Variants in NCKAP5 observed in about 807,000 individuals in gnomAD.
NCKAP5 encodes the protein nck-associated protein 5.
NCKAP5 carries 92 observed loss-of-function variants against 167.0 expected under a neutral mutation model. The ratio of observed to expected loss-of-function variants is 0.55; its 90% CI spans 0.47 to 0.66. The LOEUF (loss-of-function observed/expected upper bound fraction) is 0.66. NCKAP5 is among the 30% of genes least tolerant of loss of function. NCKAP5 has a pLI of 0.00. For synonymous variants in NCKAP5, 891 were observed against 877.4 expected (o/e 1.02, Z -0.27); for missense variants, 2,378 against 2,315.0 (o/e 1.03, Z -0.56).
intron 6 of NCKAP5, among the ~76,000 whole-genome samples, chr2:133,120,134 C>T (rs916002890): frequency 2.6e-5 from 4 of 152,160 alleles, no homozygotes; most frequent in Admixed American, 2.6e-4. Context: ...CTGCAAATGA[C>T]AGGTGAAAAC....
chr2:132,973,930 CT>C, intron 7 of NCKAP5, among the ~76,000 whole-genome samples: 1 of 152,268 alleles, frequency 6.6e-6, no homozygotes. Flanking sequence ...TCCCAAGTAG[CT>C]CTTGGTTGCA....
Position 132,783,826 on chromosome 2 carries a change from T to G in NCKAP5, c.2985A>C (p.Lys995Asn). ...NPATTEVQRKKPSVAFKKPIF... is the reference protein window; with the variant it reads ...NPATTEVQRKNPSVAFKKPIF... ...TAGGCTTTTTGAAGGCCACAGAAGG[T>G]TTCTTCCTCTGCACTTCTGTCGTGG... Residue 995 changes from lysine (K) to asparagine (N), a missense_variant, in exon 14 of 20, where the codon AAA becomes AAC. Physicochemically the swap from Lys to Asn is moderately conservative, Grantham distance 94. This residue lies in a region of NCKAP5 where 1,325 missense variants were observed against 1,274.5 expected (regional missense o/e 1.04). Transcript: ENST00000409261. 1 of 1,532,470 alleles carries G rather than the reference T, an allele frequency of 6.5e-7. No homozygotes were observed. Among genetic ancestry groups the G allele is most frequent in the Non-Finnish European group, 8.8e-7 (1 of 1,141,670 alleles). The allele number at this position is 1,532,470 out of a possible 1,614,324, so 94.9% of individuals were successfully genotyped here.
At chr2:133,124,315 C>T (rs2082336768) in intron 6 of NCKAP5, among the ~76,000 whole-genome samples, 1 of 152,172 alleles carries the variant, frequency 6.6e-6, no homozygotes, top group African/African-American at 2.4e-5. Context: ...ACACAAGGAA[C>T]ATTTCAAGGC....
At chr2:133,166,032 C>T (rs781063902) in intron 5 of NCKAP5, among the ~76,000 whole-genome samples, 9 of 151,924 alleles carry the variant, frequency 5.9e-5, no homozygotes, top group African/African-American at 2.2e-4. Flanking sequence ...TTTCAGGGAC[C>T]GCCAGAAAAA....
chr2:132,968,201 C>T (rs1226927001), intron 7 of NCKAP5, among the ~76,000 whole-genome samples: 1 of 152,170 alleles, frequency 6.6e-6, no homozygotes, highest in Non-Finnish European at 1.5e-5. Flanking sequence ...GAACTGAAGT[C>T]TAGACGTAGG....
chr2:132,769,681 A>G (rs72989558), intron 16 of NCKAP5, among the ~76,000 whole-genome samples: 1,569 of 152,306 alleles, frequency 0.01, 30 homozygotes, highest in African/African-American at 0.035. Flanking sequence ...TTTCCCAGCT[A>G]CTTCATGCAA....
At chr2:132,763,280 C>T (rs1681168795) in intron 16 of NCKAP5, among the ~76,000 whole-genome samples, 1 of 152,174 alleles carries the variant, frequency 6.6e-6, no homozygotes, top group Non-Finnish European at 1.5e-5. Flanking sequence ...CATCTGGTCC[C>T]ATCCTACAAA....
intron 3 of NCKAP5, among the ~76,000 whole-genome samples, chr2:133,385,318 TC>T (rs1465372050): frequency 2.6e-5 from 4 of 152,238 alleles, no homozygotes; most frequent in African/African-American, 9.6e-5. Context: ...GTGGTTTTTG[TC>T]TTTGGTTCTG....
At chr2:133,293,961 G>A (rs775900622) in intron 4 of NCKAP5, among the ~76,000 whole-genome samples, 25 of 152,178 alleles carry the variant, frequency 1.6e-4, no homozygotes, top group Admixed American at 5.2e-4. Context: ...TGTGAGGCAC[G>A]CTAGCCCTGG....
At chr2:133,256,942 A>T (rs367752991) in intron 4 of NCKAP5, among the ~76,000 whole-genome samples, 1 of 152,150 alleles carries the variant, frequency 6.6e-6, no homozygotes, top group Non-Finnish European at 1.5e-5. Context: ...GACACATCAT[A>T]ATTTTCCCTA....
intron 3 of NCKAP5, among the ~76,000 whole-genome samples, chr2:133,356,379 G>A (rs898926428): frequency 1.3e-5 from 2 of 152,180 alleles, no homozygotes; most frequent in African/African-American, 4.8e-5. Flanking sequence ...ATAGTAATAT[G>A]AGATAAACAT....
At chr2:133,077,830 G>A (rs770615305) in intron 6 of NCKAP5, among the ~76,000 whole-genome samples, 1 of 152,144 alleles carries the variant, frequency 6.6e-6, no homozygotes, top group African/African-American at 2.4e-5. Flanking sequence ...GAAGCCTAGA[G>A]TACAGTGACT....
At chr2:132,839,391 G>T (rs1016545742) in intron 11 of NCKAP5, among the ~76,000 whole-genome samples, 1 of 152,008 alleles carries the variant, frequency 6.6e-6, no homozygotes, top group African/African-American at 2.4e-5. Flanking sequence ...ATTTTTTCCA[G>T]GTAGATAGCT....
chr2:133,058,068 T>C (rs934513168), intron 6 of NCKAP5, among the ~76,000 whole-genome samples: 1 of 152,190 alleles, frequency 6.6e-6, no homozygotes, highest in Non-Finnish European at 1.5e-5. Context: ...ATGGCACATC[T>C]GTTTCCATCA....
chr2:132,794,307 G>GA lies in NCKAP5; in HGVS notation c.909+2320_909+2321insT, dbSNP rs1553443904. On this transcript the variant is annotated intron_variant, in intron 12 of 19. Transcript: ENST00000409261. ...AGAGAGAGAGAGAGAGAGAGAGAGA[G>GA]GGTGGCGGGAAGAGAGAGAGAAAGA... Among the ~76,000 whole-genome samples the GA allele has an allele frequency of 1.6e-3, 159 of 101,178 alleles. 2 individuals carry two copies. Among genetic ancestry groups the GA allele is most frequent in the South Asian group, 5.8e-3 (17 of 2,944 alleles). The allele number at this position is 101,178 out of a possible 152,430, so 66.4% of individuals were successfully genotyped here.
chr2:133,037,202 A>T (rs1297347855), intron 6 of NCKAP5, among the ~76,000 whole-genome samples: 1 of 152,160 alleles, frequency 6.6e-6, no homozygotes, highest in Admixed American at 6.5e-5. Flanking sequence ...AAGAATCAAT[A>T]TCATTAAAAT....
chr2:132,909,903 A>G (rs1477473699), intron 8 of NCKAP5, among the ~76,000 whole-genome samples: 3 of 152,150 alleles, frequency 2.0e-5, no homozygotes, highest in Admixed American at 1.3e-4. Context: ...ATGTGATAGG[A>G]CTTGCTAAAT....
chr2:132,990,862 G>A (rs2077429416), intron 7 of NCKAP5, among the ~76,000 whole-genome samples: 1 of 152,184 alleles, frequency 6.6e-6, no homozygotes, highest in Non-Finnish European at 1.5e-5. Context: ...CACCAAGTTT[G>A]TTACAGCAGC....
chr2:133,298,033 A>G (rs2150547033), intron 4 of NCKAP5, among the ~76,000 whole-genome samples: 1 of 152,330 alleles, frequency 6.6e-6, no homozygotes, highest in African/African-American at 2.4e-5. Flanking sequence ...AGCACTTAAA[A>G]ATTTAATCAT....
Sources: allele counts gnomAD v4.1 joint callset (sites outside exome capture counted in the v4.1 genomes callset), GRCh38; gene constraint gnomAD v4.1.1; regional missense constraint gnomAD v4.1.1; transcripts MANE v1.5; gene names NCBI Gene and HGNC (gene_info 2026-07-23, HGNC 2026-07-21).